Variants in NEDD9 observed in about 807,000 individuals in gnomAD.
NEDD9 encodes the protein enhancer of filamentation 1.
NEDD9 carries 26 observed loss-of-function variants against 76.6 expected under a neutral mutation model. The ratio of observed to expected loss-of-function variants is 0.34; its 90% CI spans 0.25 to 0.47. The LOEUF (loss-of-function observed/expected upper bound fraction) is 0.47. Ranked by LOEUF, NEDD9 falls within the 20% of genes least tolerant of loss-of-function variation. NEDD9 has a pLI of 1.00. For missense variants in NEDD9, 937 were observed against 1,058.5 expected, an observed-to-expected ratio of 0.89 and a Z score of 1.59; for synonymous variants, 392 against 414.2, an observed-to-expected ratio of 0.95 and a Z score of 0.65.
chr6:11,282,839 C>T (rs1208647946), intron 3 of NEDD9, among the ~76,000 whole-genome samples: 1 of 152,174 alleles, frequency 6.6e-6, no homozygotes, highest in African/African-American at 2.4e-5. Context: ...GGTATATCGG[C>T]CCAAGTGATT....
At chr6:11,226,727 A>G (rs899973099) in intron 1 of NEDD9, among the ~76,000 whole-genome samples, 1 of 152,238 alleles carries the variant, frequency 6.6e-6, no homozygotes, top group African/African-American at 2.4e-5. Context: ...ACTTTTATCT[A>G]TATAAAAATT....
intron 3 of NEDD9, among the ~76,000 whole-genome samples, chr6:11,193,065 A>T (rs574989814): frequency 2.4e-4 from 36 of 150,940 alleles, no homozygotes; most frequent in Non-Finnish European, 3.4e-4. Flanking sequence ...AGCACTTTGG[A>T]AGGCCGAGGT....
At chr6:11,267,659 C>G (rs566553570) in intron 3 of NEDD9, among the ~76,000 whole-genome samples, 1 of 151,896 alleles carries the variant, frequency 6.6e-6, no homozygotes, top group African/African-American at 2.4e-5. Context: ...AGACATAGCA[C>G]TAATCAGCTA....
At chr6:11,360,147 G>A (rs559204233) in intron 1 of NEDD9, among the ~76,000 whole-genome samples, 1 of 152,186 alleles carries the variant, frequency 6.6e-6, no homozygotes, top group Non-Finnish European at 1.5e-5. Flanking sequence ...CTATTGGAAC[G>A]AGGCTCAGTC....
intron 3 of NEDD9, among the ~76,000 whole-genome samples, chr6:11,239,718 T>G (rs1759673345): frequency 6.6e-6 from 1 of 152,072 alleles, no homozygotes; most frequent in Admixed American, 6.6e-5. Flanking sequence ...AGGAATACAT[T>G]CTATTTTCTG....
intron 3 of NEDD9, among the ~76,000 whole-genome samples, chr6:11,278,056 T>G (rs1661071030): frequency 6.6e-6 from 1 of 152,018 alleles, no homozygotes. Flanking sequence ...GGGAGTCGGG[T>G]GCTTCCTCTC....
intron 1 of NEDD9, among the ~76,000 whole-genome samples, chr6:11,343,494 A>T (rs1182077881): frequency 6.6e-6 from 1 of 151,610 alleles, no homozygotes; most frequent in Non-Finnish European, 1.5e-5. Context: ...ACTGCACCCC[A>T]CTACTCCACT....
At chr6:11,299,921 T>G (rs772755968) in intron 3 of NEDD9, among the ~76,000 whole-genome samples, 2 of 152,104 alleles carry the variant, frequency 1.3e-5, no homozygotes, top group Non-Finnish European at 2.9e-5. Flanking sequence ...GCAGAAAAGC[T>G]GAAAATTCCA....
At position 11,185,455 on chromosome 6, in the gene NEDD9, G is replaced by C; in HGVS notation, c.2212C>G (p.Pro738Ala). The change falls in exon 7 of 7, where the codon CCC (proline) becomes GCC (alanine). Residue 738 changes from proline (P) to alanine (A), a missense_variant. Transcript: ENST00000379446. Reference sequence around the variant, plus strand: ...CTGTGTGCCACGAAGATTCGCGGGGGCTGGGCTGAGCTGACACAACTGAAG... The same window carrying C: ...CTGTGTGCCACGAAGATTCGCGGGGCCTGGGCTGAGCTGACACAACTGAAG... ...ALFSCVSSAQ[P>A]PRIFVAHSKF... 7 of 1,614,228 alleles carry C rather than the reference G, an allele frequency of 4.3e-6. No individual in the cohort carries two copies. The highest frequency in any genetic ancestry group is 5.9e-6 in the Non-Finnish European group (7 of 1,180,032).
chr6:11,255,081 T>C (rs1167282693), intron 3 of NEDD9, among the ~76,000 whole-genome samples: 1 of 152,190 alleles, frequency 6.6e-6, no homozygotes, highest in Non-Finnish European at 1.5e-5. Context: ...TGCAACAGGA[T>C]TCATAGAGTG....
At chr6:11,363,193 T>C (rs1374929159) in intron 1 of NEDD9, among the ~76,000 whole-genome samples, 4 of 152,216 alleles carry the variant, frequency 2.6e-5, no homozygotes, top group Non-Finnish European at 5.9e-5. Context: ...GACACTCTGC[T>C]GCCCTGCCCA....
At chr6:11,355,336 G>A (rs1762544888) in intron 1 of NEDD9, among the ~76,000 whole-genome samples, 1 of 152,014 alleles carries the variant, frequency 6.6e-6, no homozygotes, top group Non-Finnish European at 1.5e-5. Flanking sequence ...AACTTCTCAA[G>A]GGGCTAGAAA....
At chr6:11,358,936 T>C (rs1459593873) in intron 1 of NEDD9, among the ~76,000 whole-genome samples, 3 of 152,194 alleles carry the variant, frequency 2.0e-5, no homozygotes, top group African/African-American at 7.2e-5. Flanking sequence ...ATGCATATTA[T>C]CATGGGGGAG....
chr6:11,348,753 T>C (rs1004443553), intron 1 of NEDD9, among the ~76,000 whole-genome samples: 19 of 152,130 alleles, frequency 1.2e-4, no homozygotes, highest in Non-Finnish European at 2.6e-4. Flanking sequence ...CCCTTCCTTA[T>C]ACTATATACA....
At chr6:11,288,543 G>A (rs1760696683) in intron 3 of NEDD9, among the ~76,000 whole-genome samples, 1 of 151,670 alleles carries the variant, frequency 6.6e-6, no homozygotes, top group Non-Finnish European at 1.5e-5. Context: ...CTCACAACAG[G>A]GAACGTCTCA....
chr6:11,240,276 T>C (rs1759687561), intron 3 of NEDD9, among the ~76,000 whole-genome samples: 1 of 152,100 alleles, frequency 6.6e-6, no homozygotes, highest in Admixed American at 6.5e-5. Flanking sequence ...GTCTCCACAC[T>C]GTGAAGACTT....
upstream of NEDD9, chr6:11,233,494 G>A: frequency 1.9e-6 from 1 of 518,788 alleles, no homozygotes; most frequent in South Asian, 1.4e-5. Flanking sequence ...TTGACGGCTG[G>A]CATTTCTAGC....
At chr6:11,189,910 C>T (rs1278464134) in intron 5 of NEDD9, 54 bp downstream of exon 5, 1 of 1,495,812 alleles carries the variant, frequency 6.7e-7, no homozygotes, top group Non-Finnish European at 8.9e-7. Flanking sequence ...GCATCTTTCT[C>T]AGGCTCCCTG....
intron 1 of NEDD9, among the ~76,000 whole-genome samples, chr6:11,336,456 T>C (rs1762163492): frequency 6.6e-6 from 1 of 152,176 alleles, no homozygotes; most frequent in African/African-American, 2.4e-5. Context: ...TGGTAAGTAT[T>C]TGTGTATGTA....
Sources: allele counts gnomAD v4.1 joint callset (sites outside exome capture counted in the v4.1 genomes callset), GRCh38; gene constraint gnomAD v4.1.1; transcripts MANE v1.5; gene names NCBI Gene and HGNC (gene_info 2026-07-23, HGNC 2026-07-21).